The following IQCE variants were observed in gnomAD, a reference collection of about 807,000 sequenced individuals.
The protein encoded by IQCE is IQ domain-containing protein E.
In IQCE, 115 loss-of-function variants were observed where a neutral mutation model predicts 96.0. That is an observed-to-expected ratio of 1.20 (90% CI 1.03 to 1.40). The LOEUF is 1.40. Among genes scored for constraint, IQCE ranks in the 40% most tolerant of loss-of-function variants. The pLI is 0.00. For synonymous variants in IQCE, 412 were observed against 371.2 expected, an observed-to-expected ratio of 1.11 and a Z score of -1.26; for missense variants, 1,041 against 909.1, an observed-to-expected ratio of 1.15 and a Z score of -1.87.
chr7:2,582,186 T>C, intron 8 of IQCE: 1 of 408,044 alleles, frequency 2.5e-6, no homozygotes, highest in Admixed American at 3.5e-5. Flanking sequence ...CCATGGAGAC[T>C]GAACTGGGCG....
intron 1 of IQCE, among the ~76,000 whole-genome samples, 184 bp from the exon 2 acceptor site, chr7:2,566,932 T>C (rs1026844718): frequency 6.6e-6 from 1 of 150,804 alleles, no homozygotes; most frequent in Non-Finnish European, 1.5e-5. Context: ...CACCCACCCA[T>C]TCCTTCTGAT....
chr7:2,598,381 C>T, intron 16 of IQCE, 84 bp from the exon 17 acceptor site: 2 of 1,336,932 alleles, frequency 1.5e-6, no homozygotes, highest in South Asian at 1.5e-5. Flanking sequence ...CCGCACCATG[C>T]CGGGTAATAT....
In IQCE at chr7:2,567,157, G is replaced by A. The variant is rs1190495765; in HGVS notation, c.78G>A (p.Val26=). ...CTGCAGTCACCTTTGACTCTGATGT[G>A]GAGACGGTGAGTGCCGCTGGGTGTC... is the stretch of plus-strand genomic sequence containing the variant. ...SLSAVTFDSD[V]ETKAKRKAFH... The change falls in exon 2 of 22, where the codon GTG becomes GTA. Residue 26 remains valine, a synonymous_variant. Coordinates refer to ENST00000402050, the MANE Select transcript of IQCE (RefSeq NM_152558.5). 5.0e-6 allele frequency: 8 copies of A among 1,613,560 alleles called. No individual in the cohort carries two copies. The highest frequency in any genetic ancestry group is 2.2e-5 in the East Asian group (1 of 44,902).
intron 1 of IQCE, among the ~76,000 whole-genome samples, chr7:2,565,171 TCTG>T (rs1357294036): frequency 3.3e-5 from 5 of 150,976 alleles, no homozygotes; most frequent in African/African-American, 4.9e-5. Context: ...ATGGTTGTAT[TCTG>T]CTGACTGCAG....
intron 16 of IQCE, chr7:2,598,251 CT>C (rs1377522022): frequency 1.1e-5 from 5 of 472,858 alleles, no homozygotes; most frequent in Non-Finnish European, 1.9e-5. Flanking sequence ...CACGTCTGCA[CT>C]TGTGTGCTCG....
rs537715876 is a variant in IQCE at position 2,592,693 on chromosome 7, C to T, written c.1245-329C>T. Among the ~76,000 whole-genome samples the T allele has an allele frequency of 8.5e-5, 13 of 152,352 alleles. No individual in the cohort carries two copies. In the East Asian group the frequency reaches 2.3e-3, roughly 27 times the overall value. On this transcript the variant is annotated intron_variant, in intron 14 of 21. Transcript: ENST00000402050. ...CCCCATTCACGGACCCCGCGCCTGCCTGCAGCACCCTCACACGGGTGCGAG... is the reference window on the plus strand; with the variant it reads ...CCCCATTCACGGACCCCGCGCCTGCTTGCAGCACCCTCACACGGGTGCGAG...
At chr7:2,605,176 A>G (rs1287571637) in intron 19 of IQCE, among the ~76,000 whole-genome samples, 185 bp downstream of exon 19, 1 of 152,218 alleles carries the variant, frequency 6.6e-6, no homozygotes, top group Non-Finnish European at 1.5e-5. Context: ...CCCTCTGCAC[A>G]GGCCCCGGAT....
In IQCE at chr7:2,593,005, CCTATT is replaced by C. The variant is rs1783727052; in HGVS notation, c.1245-14_1245-10del. 2.5e-6 allele frequency: 4 copies of C among 1,587,940 alleles called. No individual in the cohort carries two copies. The South Asian group carries it at 3.4e-5, about 13-fold the overall frequency. On this transcript the variant is annotated splice_polypyrimidine_tract_variant and intron_variant, in intron 14 of 21. Coordinates refer to ENST00000402050, the MANE Select transcript of IQCE (RefSeq NM_152558.5). ...AGTTTTTGTGAACGCTGACGAGTCT[CCTATT>C]CTTGTGTGCAGTTTGGAGGTGAAGC...
chr7:2,605,100 G>A (rs535755775), intron 19 of IQCE, 109 bp downstream of exon 19: 15 of 746,658 alleles, frequency 2.0e-5, no homozygotes, highest in African/African-American at 3.5e-5. Context: ...ATCCCCGCCC[G>A]CCCAGCAGGC....
At position 2,586,349 on chromosome 7, in the gene IQCE, C is replaced by T; in HGVS notation, c.966C>T (p.Ser322=). The stretch of plus-strand genomic sequence containing the variant: ...ACCTGGACCGCGTGCTGAGCACCTC[C>T]CCAACCATCTCCAAGACACAGGGTA... ...KEDLDRVLST[S]PTISKTQGYV... is the part of the protein sequence containing the mutation. Residue 322 remains serine, a synonymous_variant, in exon 12 of 22, where the codon TCC becomes TCT. Coordinates refer to ENST00000402050, the MANE Select transcript of IQCE (RefSeq NM_152558.5). 1 of 1,613,160 alleles carries T rather than the reference C, an allele frequency of 6.2e-7. No homozygotes were observed. The highest frequency in any genetic ancestry group is 8.5e-7 in the Non-Finnish European group (1 of 1,179,784).
At chr7:2,560,580 T>C (rs768131189) in intron 1 of IQCE, among the ~76,000 whole-genome samples, 2 of 152,246 alleles carry the variant, frequency 1.3e-5, no homozygotes, top group Non-Finnish European at 1.5e-5. Context: ...CAGTTACTGC[T>C]TCTTCATCTT....
At position 2,564,205 on chromosome 7, in the gene IQCE, C is replaced by T. The variant is rs984622622; in HGVS notation, c.37-2911C>T. 2.0e-5 allele frequency among the ~76,000 whole-genome samples: 3 copies of T among 151,940 alleles called. No homozygotes were observed. In the East Asian group the frequency reaches 5.8e-4, roughly 29 times the overall value. On this transcript the variant is annotated intron_variant, in intron 1 of 21. Coordinates refer to ENST00000402050, the MANE Select transcript of IQCE (RefSeq NM_152558.5). ...CCAGCCTGGGCAACAGAGCAAGACT[C>T]CACCTCAAAAAAACAAAAAATTTCA...
In IQCE at chr7:2,594,909, G is replaced by C; in HGVS notation, c.1373G>C (p.Ser458Thr). 6.2e-7 allele frequency: 1 copy of C among 1,613,654 alleles called. No homozygotes were observed. The highest frequency in any genetic ancestry group is 1.7e-5 in the Admixed American group (1 of 60,028). Residue 458 changes from serine (S) to threonine (T), a missense_variant, in exon 16 of 22, where the codon AGC (serine) becomes ACC (threonine). Coordinates refer to ENST00000402050, the MANE Select transcript of IQCE (RefSeq NM_152558.5). ...VLREEIQTLTSKLQELQEMKK... is the reference protein window; with the variant it reads ...VLREEIQTLTTKLQELQEMKK... ...AGAGAGGAGATTCAGACACTTACCAGCAAGCTCCAAGAATTGCAAGAAATG... is the reference window on the plus strand; with the variant it reads ...AGAGAGGAGATTCAGACACTTACCACCAAGCTCCAAGAATTGCAAGAAATG...
chr7:2,575,988 C>T (rs546923915), intron 6 of IQCE, among the ~76,000 whole-genome samples: 1 of 152,312 alleles, frequency 6.6e-6, no homozygotes, highest in East Asian at 1.9e-4. Flanking sequence ...GCGGCAGTCC[C>T]GTTACTAGAG....
chr7:2,597,099 G>C, intron 16 of IQCE: 1 of 470,868 alleles, frequency 2.1e-6, no homozygotes, highest in South Asian at 1.5e-5. Context: ...GAAGACCTGG[G>C]CCAGGGCCTT....
intron 18 of IQCE, among the ~76,000 whole-genome samples, chr7:2,602,864 C>T (rs530442876): frequency 6.6e-6 from 1 of 152,226 alleles, no homozygotes; most frequent in Admixed American, 6.5e-5. Flanking sequence ...CTGCGCGCAG[C>T]TGCAGTGGGA....
Position 2,604,927 on chromosome 7 carries a change from C to T in IQCE, c.1679C>T (p.Thr560Ile), listed in dbSNP as rs1351882560. ...GCTTTCAGGGGACATCTCACGCGGACAAAGCTCTTAGCAAGCAAAGCACAT... is the reference window on the plus strand; with the variant it reads ...GCTTTCAGGGGACATCTCACGCGGATAAAGCTCTTAGCAAGCAAAGCACAT... ...QAAFRGHLTR[T>I]KLLASKAHGS... Residue 560 changes from threonine (T) to isoleucine (I), a missense_variant, in exon 19 of 22, where the codon ACA (threonine) becomes ATA (isoleucine). Coordinates refer to ENST00000402050, the MANE Select transcript of IQCE (RefSeq NM_152558.5). 1.2e-6 allele frequency: 2 copies of T among 1,613,800 alleles called. No individual in the cohort carries two copies. Among genetic ancestry groups the T allele is most frequent in the East Asian group, 2.2e-5 (1 of 44,866 alleles).
At chr7:2,593,977 T>C (rs1821817) in intron 15 of IQCE, among the ~76,000 whole-genome samples, 61,162 of 152,154 alleles carry the variant, frequency 0.4, 13,059 homozygotes, top group Middle Eastern at 0.49. Flanking sequence ...TGAAGAAAAC[T>C]GTGGCCGGGC....
chr7:2,559,230 G>T lies in IQCE; in HGVS notation c.36+13G>T. ...GGCCTTGGACACGGTAAGAACGGGCGAGGGGGCGACGCCGGGCGGGCGTCC... is the reference window on the plus strand; with the variant it reads ...GGCCTTGGACACGGTAAGAACGGGCTAGGGGGCGACGCCGGGCGGGCGTCC... On this transcript the variant is annotated intron_variant, in intron 1 of 21. Coordinates refer to ENST00000402050, the MANE Select transcript of IQCE (RefSeq NM_152558.5). The T allele has an allele frequency of 3.3e-6, 4 of 1,212,726 alleles. No homozygotes were observed. The highest frequency in any genetic ancestry group is 2.1e-6 in the Non-Finnish European group (2 of 974,784). The allele number at this position is 1,212,726 out of a possible 1,614,324, so 75.1% of individuals were successfully genotyped here.
Sources: allele counts gnomAD v4.1 joint callset (sites outside exome capture counted in the v4.1 genomes callset), GRCh38; gene constraint gnomAD v4.1.1; transcripts MANE v1.5; gene names NCBI Gene and HGNC (gene_info 2026-07-23, HGNC 2026-07-21).